HNF4G: variants seen among roughly 807,000 people sequenced by gnomAD.
HNF4G encodes hepatocyte nuclear factor 4-gamma.
Under a neutral mutation model 50.9 loss-of-function variants are expected in HNF4G, and 21 were observed. That is an observed-to-expected ratio of 0.41 (90% confidence interval 0.29 to 0.59). The LOEUF (loss-of-function observed/expected upper bound fraction) is 0.59, where lower values mean the gene tolerates loss of function less well. HNF4G is among the 20% of genes least tolerant of loss of function. The probability of loss-of-function intolerance (pLI) is 0.26; values close to 1 mark genes in which losing one functional copy is unlikely to be tolerated. For synonymous variants in HNF4G, 198 were observed against 185.6 expected, an observed-to-expected ratio of 1.07 and a Z score of -0.54; for missense variants, 527 against 559.4, an observed-to-expected ratio of 0.94 and a Z score of 0.58.
At chr8:75,503,781 A>C (rs1220480029) in intron 2 of HNF4G, among the ~76,000 whole-genome samples, 1 of 152,194 alleles carries the variant, frequency 6.6e-6, no homozygotes, top group Non-Finnish European at 1.5e-5. Context: ...TGGGTATGCC[A>C]GTGAGAATGT....
In HNF4G at chr8:75,479,398, A is replaced by G. The variant is rs538255529; in HGVS notation, c.-143-10691A>G. On this transcript the variant is annotated intron_variant, in intron 1 of 10. Transcript: ENST00000354370. Reference sequence around the variant, plus strand: ...TCAAGTGAATCATCTTTAGGAGAAGACTGATTTTTAGTAACCTAAAATTTT... The same window carrying G: ...TCAAGTGAATCATCTTTAGGAGAAGGCTGATTTTTAGTAACCTAAAATTTT... 4.6e-5 allele frequency among the ~76,000 whole-genome samples: 7 copies of G among 152,248 alleles called. No individual in the cohort carries two copies. The South Asian group carries it at 1.4e-3, about 32-fold the overall frequency.
At chr8:75,550,470 G>A (rs565565798) in intron 3 of HNF4G, among the ~76,000 whole-genome samples, 3 of 151,926 alleles carry the variant, frequency 2.0e-5, no homozygotes, top group South Asian at 2.1e-4. Context: ...GTGCCACCAC[G>A]CCTGGCTAAT....
chr8:75,479,413 C>G (rs573277034), intron 1 of HNF4G, among the ~76,000 whole-genome samples: 61 of 152,168 alleles, frequency 4.0e-4, no homozygotes, highest in Middle Eastern at 3.4e-3. Flanking sequence ...TTTTTAGTAA[C>G]CTAAAATTTT....
intron 1 of HNF4G, among the ~76,000 whole-genome samples, chr8:75,435,234 C>A (rs1162106783): frequency 1.3e-5 from 2 of 152,128 alleles, no homozygotes; most frequent in Non-Finnish European, 2.9e-5. Flanking sequence ...TATAGAAATG[C>A]AAACTTGATT....
intron 1 of HNF4G, among the ~76,000 whole-genome samples, chr8:75,485,003 G>A (rs537259835): frequency 2.0e-5 from 3 of 152,158 alleles, no homozygotes; most frequent in Non-Finnish European, 2.9e-5. Context: ...GCTCTTAGCC[G>A]CCAATTGTAA....
chr8:75,422,696 C>G (rs1323845612), intron 1 of HNF4G, among the ~76,000 whole-genome samples: 1 of 150,820 alleles, frequency 6.6e-6, no homozygotes, highest in African/African-American at 2.4e-5. Flanking sequence ...TGCGGTGGTG[C>G]GATCTCGGCT....
intron 9 of HNF4G, 121 bp downstream of exon 9, chr8:75,560,587 G>C: frequency 1.3e-6 from 1 of 799,120 alleles, no homozygotes; most frequent in Non-Finnish European, 2.0e-6. Context: ...TTTCCCATCT[G>C]AGACTCAGCA....
intron 2 of HNF4G, among the ~76,000 whole-genome samples, chr8:75,507,318 G>A (rs1241045366): frequency 1.3e-5 from 2 of 149,784 alleles, no homozygotes; most frequent in African/African-American, 2.5e-5. Flanking sequence ...GGAGTGCAGC[G>A]GCGTGATCTT....
intron 2 of HNF4G, among the ~76,000 whole-genome samples, chr8:75,546,199 T>TA (rs1201853901): frequency 6.6e-6 from 1 of 152,188 alleles, no homozygotes; most frequent in Non-Finnish European, 1.5e-5. Flanking sequence ...GCGTTTACTG[T>TA]ATGCTTAATA....
intron 2 of HNF4G, among the ~76,000 whole-genome samples, chr8:75,544,864 T>C (rs746244193): frequency 3.9e-5 from 6 of 152,128 alleles, no homozygotes; most frequent in African/African-American, 1.2e-4. Flanking sequence ...TAAGAACAGA[T>C]TGGACATTTG....
rs59895539 is a variant in HNF4G at position 75,455,504 on chromosome 8, G to T, written c.-143-34585G>T. On this transcript the variant is annotated intron_variant, in intron 1 of 10. Coordinates refer to the HNF4G transcript ENST00000354370. ...GCTCCAGAGAACAATTCAATCAATT[G>T]CCCCAACCTGGTGTTTCCTGTTATG... Among the ~76,000 whole-genome samples, 1,135 of 152,178 alleles carry T rather than the reference G, an allele frequency of 7.5e-3. 12 individuals carry two copies. Among genetic ancestry groups the T allele is most frequent in the African/African-American group, 0.026 (1,078 of 41,538 alleles).
intron 1 of HNF4G, among the ~76,000 whole-genome samples, chr8:75,422,820 G>C (rs1217456071): frequency 6.6e-6 from 1 of 152,066 alleles, no homozygotes; most frequent in African/African-American, 2.4e-5. Context: ...TTTTTCACTA[G>C]AGACGGGGTT....
chr8:75,539,917 CGCACTCTGG>C lies in HNF4G; in HGVS notation c.-43_-35del. 1 of 854,094 alleles carries C rather than the reference CGCACTCTGG, an allele frequency of 1.2e-6. No homozygotes were observed. The highest frequency in any genetic ancestry group is 1.4e-5 in the South Asian group (1 of 72,716). The allele number at this position is 854,094 out of a possible 1,614,324, so 52.9% of individuals were successfully genotyped here. The stretch of plus-strand genomic sequence containing the variant: ...GCAAAACACATCAAAACACTCATCA[CGCACTCTGG>C]GCTTGTGGTGCCACTTGTATGTGTG... On this transcript the variant is annotated 5_prime_UTR_variant, in exon 1 of 10. Transcript: ENST00000396423.
intron 1 of HNF4G, among the ~76,000 whole-genome samples, chr8:75,447,957 C>G (rs377655513): frequency 0.019 from 1,649 of 87,210 alleles, 46 homozygotes; most frequent in African/African-American, 0.047. Flanking sequence ...GACTATAAAT[C>G]ATGCTGCTAT....
At chr8:75,451,968 C>T (rs1214072143) in intron 1 of HNF4G, among the ~76,000 whole-genome samples, 1 of 152,168 alleles carries the variant, frequency 6.6e-6, no homozygotes, top group Non-Finnish European at 1.5e-5. Flanking sequence ...AAGGCCCAGG[C>T]ACCTAAGTAG....
In HNF4G at chr8:75,558,384, G is replaced by C; in HGVS notation, c.734-134G>C. Reference sequence around the variant, plus strand: ...CTAGCATAACTAACAACACCACTGAGAGAGGAAGTACATCACTATTCCTTC... The same window carrying C: ...CTAGCATAACTAACAACACCACTGACAGAGGAAGTACATCACTATTCCTTC... On this transcript the variant is annotated intron_variant, in intron 6 of 9. Coordinates refer to ENST00000396423, the MANE Select transcript of HNF4G (RefSeq NM_004133.5). 4.2e-6 allele frequency: 3 copies of C among 719,082 alleles called. No individual in the cohort carries two copies. In the South Asian group the frequency reaches 6.3e-5, roughly 15 times the overall value. The allele number at this position is 719,082 out of a possible 1,614,324, so 44.5% of individuals were successfully genotyped here.
chr8:75,480,453 A>G (rs1378916566), intron 1 of HNF4G, among the ~76,000 whole-genome samples: 1 of 152,220 alleles, frequency 6.6e-6, no homozygotes, highest in Non-Finnish European at 1.5e-5. Context: ...AGTGAAACCA[A>G]GAGTGAATGA....
chr8:75,540,647 A>C (rs1806591244), intron 1 of HNF4G, among the ~76,000 whole-genome samples: 1 of 152,140 alleles, frequency 6.6e-6, no homozygotes, highest in Non-Finnish European at 1.5e-5. Context: ...GTTTAGCCGC[A>C]CAAAGCTGTT....
exon 1 of HNF4G, chr8:75,408,127 C>T (rs1242634287): frequency 6.5e-6 from 1 of 152,862 alleles, no homozygotes; most frequent in Non-Finnish European, 1.5e-5. Context: ...CCCGAGGCCT[C>T]GCCCAGCCTG....
Sources: gnomAD v4.1 joint callset for allele counts (sites outside exome capture counted in the v4.1 genomes callset) on GRCh38, gnomAD v4.1.1 for gene constraint, MANE v1.5 for transcripts, NCBI Gene and HGNC (gene_info 2026-07-23, HGNC 2026-07-21) for gene names.